Variants in MAP3K20 observed in about 807,000 individuals in gnomAD.
The protein encoded by MAP3K20 is mitogen-activated protein kinase kinase kinase 20, also known as HCCS-4.
In MAP3K20, 40 loss-of-function variants were observed where a neutral mutation model predicts 85.7. The ratio of observed to expected loss-of-function variants is 0.47; its 90% confidence interval spans 0.36 to 0.61. MAP3K20 has a LOEUF of 0.61. MAP3K20 is among the 20% of genes least tolerant of loss of function. The pLI, the probability that MAP3K20 is intolerant of heterozygous loss-of-function variation, is 0.00. For synonymous variants in MAP3K20, 325 were observed against 327.7 expected (o/e 0.99, Z 0.09); for missense variants, 817 against 961.7 (o/e 0.85, Z 1.99).
intron 2 of MAP3K20, among the ~76,000 whole-genome samples, chr2:173,168,710 T>C (rs2106248985): frequency 6.6e-6 from 1 of 152,254 alleles, no homozygotes; most frequent in East Asian, 1.9e-4. Context: ...AAATACTGAA[T>C]ATTTTCTATA....
At chr2:173,090,843 G>A (rs1416252168) in intron 1 of MAP3K20, 155 bp from the exon 2 acceptor site, 6 of 1,297,960 alleles carry the variant, frequency 4.6e-6, no homozygotes, top group East Asian at 3.0e-5. Flanking sequence ...GAGTGTTTTC[G>A]AATTGTTTAT....
intron 7 of MAP3K20, among the ~76,000 whole-genome samples, chr2:173,197,363 CAT>C (rs1204287651): frequency 6.6e-6 from 1 of 152,170 alleles, no homozygotes; most frequent in East Asian, 1.9e-4. Context: ...CTCACTTTCA[CAT>C]AGTCAGCTTA....
intron 10 of MAP3K20, among the ~76,000 whole-genome samples, chr2:173,216,058 C>T (rs1198694913): frequency 6.6e-6 from 1 of 152,176 alleles, no homozygotes; most frequent in Non-Finnish European, 1.5e-5. Context: ...CCTTCTCTAG[C>T]CTTGACTTCC....
chr2:173,261,323 A>G (rs1324117824), intron 18 of MAP3K20, among the ~76,000 whole-genome samples, 186 bp downstream of exon 18: 1 of 152,230 alleles, frequency 6.6e-6, no homozygotes, highest in African/African-American at 2.4e-5. Flanking sequence ...TGGGAAGAAA[A>G]GAGAACAGGA....
intron 18 of MAP3K20, 90 bp from the exon 19 acceptor site, chr2:173,263,655 C>G: frequency 7.6e-7 from 1 of 1,307,642 alleles, no homozygotes; most frequent in Non-Finnish European, 1.1e-6. Context: ...ACCTGGATGA[C>G]TTTCTTTCCC....
intron 8 of MAP3K20, among the ~76,000 whole-genome samples, chr2:173,199,771 G>A (rs1424028258): frequency 2.0e-5 from 3 of 151,280 alleles, no homozygotes; most frequent in Non-Finnish European, 4.4e-5. Flanking sequence ...TCTAAAGGGT[G>A]GCAGAATAGA....
chr2:173,239,514 T>C lies in MAP3K20; in HGVS notation c.1359+18T>C, dbSNP rs772737199. 2 of 1,606,340 alleles carry C rather than the reference T, an allele frequency of 1.2e-6. No homozygotes were observed. Among genetic ancestry groups the C allele is most frequent in the Admixed American group, 3.4e-5 (2 of 58,440 alleles). On this transcript the variant is annotated intron_variant, in intron 16 of 19. Coordinates refer to ENST00000375213, the MANE Select transcript of MAP3K20 (RefSeq NM_016653.3). Reference sequence around the variant, plus strand: ...GCCCACAGGTAAATCACATTTTAAATCCTTTGGATAAATCTCAATCGAACT... The same window carrying C: ...GCCCACAGGTAAATCACATTTTAAACCCTTTGGATAAATCTCAATCGAACT...
At chr2:173,144,462 C>CAAAAAAAAAAAAAAAAAAA (rs71018537) in intron 2 of MAP3K20, among the ~76,000 whole-genome samples, 1 of 92,878 alleles carries the variant, frequency 1.1e-5, no homozygotes, top group African/African-American at 3.9e-5. Context: ...GACTCCGTCT[C>CAAAAAAAAAAAAAAAAAAA]AAAAAAAAAA....
intron 5 of MAP3K20, 49 bp from the exon 6 acceptor site, chr2:173,190,846 T>C: frequency 6.6e-7 from 1 of 1,504,656 alleles, no homozygotes. Flanking sequence ...AGAAGACAGC[T>C]CAAACAAATT....
rs748873061 is a variant in MAP3K20 at position 173,091,143 on chromosome 2, C to G, written c.112C>G (p.Gln38Glu). 1.2e-6 allele frequency: 2 copies of G among 1,613,738 alleles called. No homozygotes were observed. The highest frequency in any genetic ancestry group is 2.2e-5 in the South Asian group (2 of 91,042). The change falls in exon 2 of 20, where the codon CAG becomes GAG. Residue 38 changes from glutamine to glutamate, a missense_variant. Around this residue, in one of 4 missense-constraint regions of MAP3K20, gnomAD observed 200 missense variants for 302.7 expected, o/e 0.66. Transcript: ENST00000375213. The stretch of plus-strand genomic sequence containing the variant: ...TGTTTATCGAGCCAAATGGATATCA[C>G]AGGACAAGGAGGTGGCTGTAAAGAA... ...GSVYRAKWIS[Q>E]DKEVAVKKLL... is the part of the protein sequence containing the mutation.
intron 10 of MAP3K20, chr2:173,210,251 G>A: frequency 5.8e-6 from 1 of 173,614 alleles, no homozygotes; most frequent in Non-Finnish European, 1.2e-5. Context: ...TACTCAGGAG[G>A]CTGAGGCAGG....
chr2:173,243,649 G>A (rs1684845005), intron 16 of MAP3K20, among the ~76,000 whole-genome samples: 1 of 152,200 alleles, frequency 6.6e-6, no homozygotes, highest in South Asian at 2.1e-4. Context: ...ACGGAATCTC[G>A]CTCTTTCGCC....
intron 14 of MAP3K20, among the ~76,000 whole-genome samples, chr2:173,236,497 G>C (rs3754738): frequency 0.062 from 9,372 of 152,084 alleles, 946 homozygotes; most frequent in East Asian, 0.54. Flanking sequence ...CATCTGTTGG[G>C]GGACCTAACA....
At chr2:173,221,116 C>G in intron 11 of MAP3K20, 1 of 1,436,132 alleles carries the variant, frequency 7.0e-7, no homozygotes, top group Non-Finnish European at 9.2e-7. Context: ...CCTAATTTCT[C>G]TTTTTACTTC....
At chr2:173,254,259 CA>C (rs61332246) in intron 16 of MAP3K20, among the ~76,000 whole-genome samples, 5,554 of 146,044 alleles carry the variant, frequency 0.038, 343 homozygotes, top group African/African-American at 0.13. Context: ...CCTAAAAATA[CA>C]AAAAAAAAAC....
In MAP3K20 at chr2:173,095,608, C is replaced by T. The variant is rs73971695; in HGVS notation, c.159+4418C>T. Among the ~76,000 whole-genome samples the T allele has an allele frequency of 4.2e-3, 637 of 152,206 alleles. 3 individuals are homozygous for T. Among genetic ancestry groups the T allele is most frequent in the African/African-American group, 0.014 (589 of 41,538 alleles). On this transcript the variant is annotated intron_variant, in intron 2 of 19. Transcript: ENST00000375213. ...ATCAAGAATCTTAAAATGTTTACTT[C>T]TTTGGGCCAGGAATCTTGCTCTGGG...
intron 16 of MAP3K20, among the ~76,000 whole-genome samples, chr2:173,249,754 T>A (rs370902174): frequency 3.3e-5 from 5 of 152,302 alleles, no homozygotes; most frequent in Admixed American, 2.0e-4. Context: ...TTTTTTTCCA[T>A]CATGAAGACC....
chr2:173,254,212 G>A (rs887125446), intron 16 of MAP3K20, among the ~76,000 whole-genome samples: 14 of 151,242 alleles, frequency 9.3e-5, no homozygotes, highest in African/African-American at 2.7e-4. Context: ...TTAGGAGATC[G>A]AGACCATCCT....
At chr2:173,103,033 G>A (rs1051749587) in intron 2 of MAP3K20, among the ~76,000 whole-genome samples, 16 of 151,852 alleles carry the variant, frequency 1.1e-4, no homozygotes, top group African/African-American at 2.9e-4. Context: ...AGCCTGGGCC[G>A]CAAGAGCAAA....
Sources: allele counts gnomAD v4.1 joint callset (sites outside exome capture counted in the v4.1 genomes callset), GRCh38; gene constraint gnomAD v4.1.1; regional missense constraint gnomAD v4.1.1; transcripts MANE v1.5; gene names NCBI Gene and HGNC (gene_info 2026-07-23, HGNC 2026-07-21).